Variants in GRIA2 observed in about 807,000 individuals in gnomAD.
GRIA2 encodes glutamate ionotropic receptor AMPA type subunit 2, also known as glutamate receptor 2.
A neutral mutation model predicts 97.3 loss-of-function variants in GRIA2; 14 were observed. That is an observed-to-expected ratio of 0.14 (90% CI 0.10 to 0.23). The LOEUF (loss-of-function observed/expected upper bound fraction) is 0.23. Among genes scored for constraint, GRIA2 ranks in the 10% least tolerant of loss-of-function variants. The probability of loss-of-function intolerance (pLI) is 1.00; values close to 1 mark genes in which losing one functional copy is unlikely to be tolerated. For synonymous variants in GRIA2, 412 were observed against 387.8 expected (o/e 1.06, Z -0.73); for missense variants, 558 against 1,069.8 (o/e 0.52, Z 6.67).
chr4:157,288,468 T>C (rs979029869), intron 2 of GRIA2, among the ~76,000 whole-genome samples: 1 of 151,762 alleles, frequency 6.6e-6, no homozygotes, highest in Admixed American at 6.6e-5. Context: ...ATTTTATAAC[T>C]AAAGCCACTG....
At chr4:157,303,459 T>A in intron 2 of GRIA2, 93 bp from the exon 3 acceptor site, 1 of 1,001,268 alleles carries the variant, frequency 1.0e-6, no homozygotes. Flanking sequence ...TAATTTTGTA[T>A]TTTATGTAAA....
intron 2 of GRIA2, among the ~76,000 whole-genome samples, chr4:157,246,604 A>C (rs750948279): frequency 4.6e-5 from 7 of 152,076 alleles, no homozygotes; most frequent in Non-Finnish European, 7.4e-5. Context: ...TGCTTTTTAC[A>C]AATTTAACTT....
At chr4:157,362,294 C>G (rs2127003307) in intron 14 of GRIA2, 1 of 432,538 alleles carries the variant, frequency 2.3e-6, no homozygotes, top group South Asian at 1.7e-5. Context: ...TCTTAGCCAT[C>G]TTAGTACTTT....
At chr4:157,335,035 T>A (rs1369629655) in intron 9 of GRIA2, 1 of 153,290 alleles carries the variant, frequency 6.5e-6, no homozygotes, top group Non-Finnish European at 1.5e-5. Flanking sequence ...ACTGTGTTGA[T>A]TCATTTTTTC....
At chr4:157,249,147 C>T (rs1001922733) in intron 2 of GRIA2, among the ~76,000 whole-genome samples, 3 of 152,198 alleles carry the variant, frequency 2.0e-5, no homozygotes, top group Non-Finnish European at 1.5e-5. Flanking sequence ...CAAATATTTT[C>T]AATACCTCAA....
intron 2 of GRIA2, among the ~76,000 whole-genome samples, chr4:157,287,587 G>A (rs1732902050): frequency 6.6e-6 from 1 of 151,724 alleles, no homozygotes. Context: ...TTAATTTCCA[G>A]AGTTGAGGTT....
chr4:157,298,317 A>G (rs1309204719), intron 2 of GRIA2, among the ~76,000 whole-genome samples: 2 of 152,104 alleles, frequency 1.3e-5, no homozygotes, highest in Non-Finnish European at 1.5e-5. Context: ...AGGTTCTTAA[A>G]AGTGCTTTGT....
intron 2 of GRIA2, among the ~76,000 whole-genome samples, chr4:157,257,292 C>A (rs924292244): frequency 2.0e-5 from 3 of 151,942 alleles, no homozygotes; most frequent in Admixed American, 2.0e-4. Context: ...TTTTTTCTTT[C>A]CAATATTTAA....
rs1736623467 is a variant in GRIA2 at position 157,361,331 on chromosome 4, A to C, written c.2406+207A>C. Among the ~76,000 whole-genome samples the C allele has an allele frequency of 2.0e-5, 3 of 152,094 alleles. No homozygotes were observed. Among genetic ancestry groups the C allele is most frequent in the African/African-American group, 7.2e-5 (3 of 41,410 alleles). ...TCCATATCTCAAGGAAAAATTTGTAACTAATGGATTTGTTGCAAACTGTTG... is the reference window on the plus strand; with the variant it reads ...TCCATATCTCAAGGAAAAATTTGTACCTAATGGATTTGTTGCAAACTGTTG... On this transcript the variant is annotated intron_variant, in intron 14 of 15. Transcript: ENST00000264426. This position sits in a 1 kb window ranked among gnomAD's most constrained non-coding sequence, Gnocchi z 5.2.
intron 2 of GRIA2, among the ~76,000 whole-genome samples, chr4:157,297,688 A>G (rs1259152163): frequency 6.6e-6 from 1 of 152,100 alleles, no homozygotes; most frequent in African/African-American, 2.4e-5. Context: ...ATTCTTGAAA[A>G]CAGAATAATA....
In GRIA2 at chr4:157,262,326, A is replaced by T. The variant is rs184526928; in HGVS notation, c.229+40519A>T. Among the ~76,000 whole-genome samples the T allele has an allele frequency of 3.7e-3, 566 of 152,200 alleles. 3 individuals are homozygous for T. The highest frequency in any genetic ancestry group is 5.9e-3 in the Non-Finnish European group (403 of 67,986). On this transcript the variant is annotated intron_variant, in intron 2 of 15. Transcript: ENST00000264426. ...GTCAAGCATTAGGCTACTCTTTATC[A>T]TCCCTTGATCTCTTTCTGCATCCCT...
chr4:157,272,189 A>C (rs938198516), intron 2 of GRIA2, among the ~76,000 whole-genome samples: 5 of 152,086 alleles, frequency 3.3e-5, no homozygotes, highest in African/African-American at 7.2e-5. Flanking sequence ...CAGCATGGTA[A>C]AGGGAAGGCA....
At chr4:157,286,282 A>G (rs1419621612) in intron 2 of GRIA2, among the ~76,000 whole-genome samples, 2 of 151,416 alleles carry the variant, frequency 1.3e-5, no homozygotes, top group African/African-American at 4.8e-5. Flanking sequence ...TGATGTTTGG[A>G]AAAAAACAAT....
At chr4:157,272,349 G>A (rs1164607042) in intron 2 of GRIA2, among the ~76,000 whole-genome samples, 1 of 151,906 alleles carries the variant, frequency 6.6e-6, no homozygotes, top group Non-Finnish European at 1.5e-5. Flanking sequence ...CGAAGTCACA[G>A]GGCAATTTGC....
rs1290096302 is a variant in GRIA2, at chr4:157,220,837, G to C, written c.-206G>C. The C allele has an allele frequency of 1.7e-6, 1 of 579,412 alleles. No homozygotes were observed. The highest frequency in any genetic ancestry group is 1.9e-5 in the African/African-American group (1 of 53,160). 35.9% of individuals were successfully genotyped at this position (579,412 alleles called of 1,614,324 possible). On this transcript the variant is annotated 5_prime_UTR_variant, in exon 1 of 16. Transcript: ENST00000264426. ...CCAGTCCTCCGGACTTCTGGAGCGG[G>C]GACAGGGCGCAGGGCATCAGCAGCC...
At chr4:157,265,020 A>G (rs1375241545) in intron 2 of GRIA2, among the ~76,000 whole-genome samples, 2 of 152,126 alleles carry the variant, frequency 1.3e-5, no homozygotes, top group Non-Finnish European at 2.9e-5. Flanking sequence ...TAAAAGAGGC[A>G]TAATTTAAAC....
chr4:157,342,411 T>C (rs1376795711), intron 12 of GRIA2: 5 of 984,114 alleles, frequency 5.1e-6, no homozygotes, highest in Admixed American at 6.2e-5. Flanking sequence ...GGTAGAACCA[T>C]GGCTAATAAC....
intron 12 of GRIA2, among the ~76,000 whole-genome samples, chr4:157,344,149 G>A (rs1735667615): frequency 6.6e-6 from 1 of 151,960 alleles, no homozygotes. Flanking sequence ...CCAATTTAGA[G>A]ACATTTTAAA....
chr4:157,242,576 T>G (rs1184871088), intron 2 of GRIA2, among the ~76,000 whole-genome samples: 1 of 151,424 alleles, frequency 6.6e-6, no homozygotes, highest in African/African-American at 2.4e-5. Flanking sequence ...TCAGAAAAGT[T>G]TACCACTTTT....
Sources: gnomAD v4.1 joint callset for allele counts (sites outside exome capture counted in the v4.1 genomes callset) on GRCh38, gnomAD v4.1.1 for gene constraint, Gnocchi (gnomAD v3.1) non-coding constraint, MANE v1.5 for transcripts, NCBI Gene and HGNC (gene_info 2026-07-23, HGNC 2026-07-21) for gene names.